Variants in CAP2 observed in about 807,000 individuals in gnomAD.
CAP2 encodes adenylyl cyclase-associated protein 2.
In CAP2, 24 loss-of-function variants were observed where a neutral mutation model predicts 57.7. That is an observed-to-expected ratio of 0.42 (90% CI 0.30 to 0.58). CAP2 has a LOEUF of 0.58. Ranked by LOEUF, CAP2 falls within the 20% of genes least tolerant of loss-of-function variation. CAP2 has a pLI of 0.22. For synonymous variants in CAP2, 194 were observed against 207.2 expected (o/e 0.94, Z 0.55); for missense variants, 501 against 590.3 (o/e 0.85, Z 1.57).
chr6:17,462,509 A>AC (rs1161128084), intron 3 of CAP2, among the ~76,000 whole-genome samples: 1 of 151,916 alleles, frequency 6.6e-6, no homozygotes, highest in Non-Finnish European at 1.5e-5. Flanking sequence ...CATTTTCACC[A>AC]CCCCCAAAAG....
intron 1 of CAP2, among the ~76,000 whole-genome samples, chr6:17,408,693 A>C (rs1330453263): frequency 8.1e-6 from 1 of 122,948 alleles, no homozygotes; most frequent in Non-Finnish European, 1.6e-5. Flanking sequence ...ACGGAGTCTC[A>C]CTCTGTCGCC....
At chr6:17,431,679 T>C (rs1759741503) in intron 3 of CAP2, among the ~76,000 whole-genome samples, 1 of 152,098 alleles carries the variant, frequency 6.6e-6, no homozygotes, top group South Asian at 2.1e-4. Context: ...CACTGGCAGA[T>C]TGTATTAATA....
intron 8 of CAP2, among the ~76,000 whole-genome samples, chr6:17,539,821 T>A (rs1005554359): frequency 1.3e-5 from 2 of 152,226 alleles, no homozygotes; most frequent in Non-Finnish European, 2.9e-5. Context: ...GGCTCACACC[T>A]GTAATCACAG....
chr6:17,481,166 A>C (rs533739483), intron 4 of CAP2, among the ~76,000 whole-genome samples: 1 of 151,982 alleles, frequency 6.6e-6, no homozygotes, highest in Non-Finnish European at 1.5e-5. Flanking sequence ...AATTCTTTTT[A>C]ATAAGCAAGT....
intron 2 of CAP2, among the ~76,000 whole-genome samples, chr6:17,422,879 T>C (rs1185625594): frequency 3.3e-5 from 5 of 152,182 alleles, no homozygotes; most frequent in African/African-American, 4.8e-5. Flanking sequence ...GGACAACCAA[T>C]TAAATTTGAA....
chr6:17,463,886 A>G (rs1760792596), intron 4 of CAP2, among the ~76,000 whole-genome samples: 2 of 152,216 alleles, frequency 1.3e-5, no homozygotes, highest in South Asian at 4.1e-4. Context: ...CAATATTACC[A>G]ATGTAGTAAT....
intron 4 of CAP2, among the ~76,000 whole-genome samples, chr6:17,467,044 G>T (rs1421613113): frequency 6.6e-6 from 1 of 152,114 alleles, no homozygotes; most frequent in Non-Finnish European, 1.5e-5. Flanking sequence ...GGGGAGGGAA[G>T]ATCTTTCAGG....
intron 4 of CAP2, among the ~76,000 whole-genome samples, chr6:17,475,063 C>T (rs1049603913): frequency 3.3e-5 from 5 of 151,932 alleles, no homozygotes; most frequent in Non-Finnish European, 2.9e-5. Context: ...GATGTGGTGA[C>T]GTGCGCCTGT....
At chr6:17,504,649 G>A (rs1350580493) in intron 4 of CAP2, among the ~76,000 whole-genome samples, 2 of 151,964 alleles carry the variant, frequency 1.3e-5, no homozygotes, top group South Asian at 2.1e-4. Flanking sequence ...ATTGGATTAC[G>A]GCCATGTTTC....
intron 3 of CAP2, among the ~76,000 whole-genome samples, chr6:17,459,934 C>T (rs1535015): frequency 0.5 from 75,826 of 151,472 alleles, 19,605 homozygotes; most frequent in East Asian, 0.84. Context: ...ACAAAAGGAA[C>T]AGAAGAGACA....
intron 3 of CAP2, among the ~76,000 whole-genome samples, chr6:17,435,009 A>G (rs1581515220): frequency 7.1e-6 from 1 of 140,822 alleles, no homozygotes; most frequent in African/African-American, 2.7e-5. Context: ...TAGAATGGCT[A>G]TCATTAAAAA....
intron 4 of CAP2, among the ~76,000 whole-genome samples, chr6:17,481,368 A>G (rs768161723): frequency 2.8e-4 from 43 of 152,160 alleles, no homozygotes; most frequent in Non-Finnish European, 5.4e-4. Flanking sequence ...TAACAATAAT[A>G]TATTCCAGAA....
rs1015079670 is a variant in CAP2 at position 17,426,513 on chromosome 6, G to C, written c.122-77G>C. The C allele has an allele frequency of 2.8e-5, 29 of 1,019,170 alleles. No homozygotes were observed. In the South Asian group the frequency reaches 3.6e-4, roughly 12 times the overall value. 63.1% of individuals were successfully genotyped at this position (1,019,170 alleles called of 1,614,324 possible). On this transcript the variant is annotated intron_variant, in intron 2 of 12. Transcript: ENST00000229922. The stretch of plus-strand genomic sequence containing the variant: ...GACTCCCAAAGTGCTAGGATTACAG[G>C]TGTGAGCCACCGTGCCCGGCTAGTC...
chr6:17,401,443 A>G (rs1044666201), intron 1 of CAP2, among the ~76,000 whole-genome samples: 1 of 152,242 alleles, frequency 6.6e-6, no homozygotes, highest in African/African-American at 2.4e-5. Context: ...TAACCTGTGT[A>G]TTACCCAAAC....
intron 1 of CAP2, among the ~76,000 whole-genome samples, chr6:17,396,870 G>A (rs1758678039): frequency 6.6e-6 from 1 of 152,110 alleles, no homozygotes; most frequent in African/African-American, 2.4e-5. Flanking sequence ...AGGGGAAAAA[G>A]TACTAGATTG....
At chr6:17,449,276 C>T (rs1470396699) in intron 3 of CAP2, among the ~76,000 whole-genome samples, 1 of 152,080 alleles carries the variant, frequency 6.6e-6, no homozygotes, top group African/African-American at 2.4e-5. Context: ...TACCCTGGTC[C>T]TATCCCTGCA....
chr6:17,421,855 C>T (rs184424855), intron 2 of CAP2, among the ~76,000 whole-genome samples, 179 bp downstream of exon 2: 28 of 152,356 alleles, frequency 1.8e-4, no homozygotes, highest in African/African-American at 6.0e-4. Context: ...GGAAGAAAAC[C>T]TTTCAACCCA....
intron 6 of CAP2, among the ~76,000 whole-genome samples, chr6:17,512,762 T>A (rs1242989815): frequency 6.6e-6 from 1 of 152,202 alleles, no homozygotes; most frequent in Non-Finnish European, 1.5e-5. Flanking sequence ...ACACTCACAT[T>A]TTTTCTATTT....
intron 1 of CAP2, among the ~76,000 whole-genome samples, chr6:17,419,336 A>G (rs914904999): frequency 5.3e-5 from 8 of 152,226 alleles, no homozygotes; most frequent in African/African-American, 1.9e-4. Flanking sequence ...ATTCAGAAGC[A>G]TGCTGTTCCT....
Sources: gnomAD v4.1 joint callset for allele counts (sites outside exome capture counted in the v4.1 genomes callset) on GRCh38, gnomAD v4.1.1 for gene constraint, MANE v1.5 for transcripts, NCBI Gene and HGNC (gene_info 2026-07-23, HGNC 2026-07-21) for gene names.